Variants in ZFHX3 observed in about 807,000 individuals in gnomAD.
ZFHX3 encodes the protein zinc finger homeobox 3.
In ZFHX3, 42 loss-of-function variants were observed where a neutral mutation model predicts 279.1. The observed-to-expected ratio is 0.15, with a 90% CI of 0.12 to 0.19. The LOEUF is 0.19. ZFHX3 is among the 10% of genes least tolerant of loss of function. The pLI, the probability that ZFHX3 is intolerant of heterozygous loss-of-function variation, is 1.00. For missense variants in ZFHX3, 4,981 were observed against 4,754.0 expected, an observed-to-expected ratio of 1.05 and a Z score of -1.40; for synonymous variants, 2,293 against 1,957.8, an observed-to-expected ratio of 1.17 and a Z score of -4.52.
At chr16:72,928,608 G>C (rs955118657) in intron 3 of ZFHX3, among the ~76,000 whole-genome samples, 2 of 152,144 alleles carry the variant, frequency 1.3e-5, no homozygotes, top group African/African-American at 4.8e-5. Flanking sequence ...GTTCATATAA[G>C]ATTACCCCTG....
intron 5 of ZFHX3, among the ~76,000 whole-genome samples, chr16:73,213,843 A>G (rs997160903): frequency 3.5e-4 from 54 of 152,264 alleles, no homozygotes; most frequent in African/African-American, 1.3e-3. Context: ...CTGGCTGAAC[A>G]TCAGCTGTCC....
chr16:73,372,621 G>A (rs769727267), intron 3 of ZFHX3, among the ~76,000 whole-genome samples: 1 of 152,186 alleles, frequency 6.6e-6, no homozygotes, highest in Non-Finnish European at 1.5e-5. Context: ...CTAGGTAAAA[G>A]GAAAGGGAAA....
At chr16:73,646,319 A>T (rs934747671) in intron 2 of ZFHX3, among the ~76,000 whole-genome samples, 1 of 152,154 alleles carries the variant, frequency 6.6e-6, no homozygotes, top group African/African-American at 2.4e-5. Flanking sequence ...GAGATGAGAC[A>T]ATGAGGGTAC....
At chr16:73,739,662 T>C (rs371190249) in intron 1 of ZFHX3, among the ~76,000 whole-genome samples, 14 of 152,206 alleles carry the variant, frequency 9.2e-5, no homozygotes, top group Admixed American at 5.2e-4. Flanking sequence ...CTATTGACTA[T>C]CAGGGACTCC....
rs1402747016 is a variant in ZFHX3, at chr16:72,793,541, C to G, written c.9141G>C (p.Gln3047His). ...TGGTGTCTTTAACTTTGGAGATATG[C>G]TGTTGGGAAAAGATATGGTCACGTA... ...LSVRDHIFSQ[Q>H]HISKVKDTIG... Residue 3047 changes from glutamine (Q) to histidine (H), a missense_variant, in exon 9 of 10, where the codon CAG (glutamine) becomes CAC (histidine). Around this residue, in one of 7 missense-constraint regions of ZFHX3, gnomAD observed 168 missense variants for 249.1 expected, o/e 0.67. Transcript: ENST00000268489. The surrounding 1 kb of genome is among the most constrained non-coding windows in gnomAD (Gnocchi z 4.3). The G allele has an allele frequency of 6.2e-7, 1 of 1,614,164 alleles. No individual in the cohort carries two copies. Among genetic ancestry groups the G allele is most frequent in the Admixed American group, 1.7e-5 (1 of 60,026 alleles).
chr16:73,606,619 T>A (rs930045802), intron 2 of ZFHX3, among the ~76,000 whole-genome samples: 1 of 152,196 alleles, frequency 6.6e-6, no homozygotes, highest in Non-Finnish European at 1.5e-5. Context: ...ATATGCAGGA[T>A]GTGCAGGTTT....
chr16:73,579,854 T>TTATATATATAAATATATATA (rs2051839596), intron 2 of ZFHX3, among the ~76,000 whole-genome samples: 1 of 140,974 alleles, frequency 7.1e-6, no homozygotes, highest in African/African-American at 2.7e-5. Flanking sequence ...ATTATACAGA[T>TTATATATATAAATATATATA]TATATATATA....
chr16:73,210,379 G>A (rs1448819391), intron 5 of ZFHX3, among the ~76,000 whole-genome samples: 1 of 152,052 alleles, frequency 6.6e-6, no homozygotes, highest in Non-Finnish European at 1.5e-5. Flanking sequence ...CTAACTGGCT[G>A]CAATTCAAAG....
rs760396153 is a variant in ZFHX3 at position 73,362,110 on chromosome 16, A to G, written c.-1290-43774T>C. On this transcript the variant is annotated intron_variant, in intron 3 of 17. Coordinates refer to the ZFHX3 transcript ENST00000641206. ...CAGCCAAGAATGGTTTAGTTTTCCA[A>G]CAAGGGCCACGTGCCTCCTTGCCTT... is the stretch of plus-strand genomic sequence containing the variant. Among the ~76,000 whole-genome samples the G allele has an allele frequency of 1.2e-4, 18 of 150,576 alleles. No individual in the cohort carries two copies. In the South Asian group the frequency reaches 2.5e-3, roughly 21 times the overall value.
chr16:73,562,468 C>T (rs776658064), intron 2 of ZFHX3, among the ~76,000 whole-genome samples: 6 of 151,892 alleles, frequency 4.0e-5, no homozygotes, highest in South Asian at 4.2e-4. Flanking sequence ...TGGTAGCGTG[C>T]GCCTGTAATC....
At chr16:73,820,925 TA>T (rs531620268) in intron 1 of ZFHX3, among the ~76,000 whole-genome samples, 12 of 151,954 alleles carry the variant, frequency 7.9e-5, no homozygotes, top group Admixed American at 2.0e-4. Flanking sequence ...TCACCCTATT[TA>T]CTAGATGCAC....
At chr16:73,785,002 T>C (rs1406709586) in intron 1 of ZFHX3, among the ~76,000 whole-genome samples, 1 of 151,954 alleles carries the variant, frequency 6.6e-6, no homozygotes, top group African/African-American at 2.4e-5. Flanking sequence ...AACTAATCTG[T>C]GTTTACTAAT....
intron 5 of ZFHX3, among the ~76,000 whole-genome samples, chr16:73,171,395 C>T (rs1967519646): frequency 6.7e-6 from 1 of 149,774 alleles, no homozygotes; most frequent in Non-Finnish European, 1.5e-5. Flanking sequence ...GCAGAAGGAG[C>T]TCTGTCTGTG....
At chr16:72,837,582 G>A (rs766893827) in intron 4 of ZFHX3, among the ~76,000 whole-genome samples, 1 of 150,342 alleles carries the variant, frequency 6.7e-6, no homozygotes, top group Non-Finnish European at 1.5e-5. Flanking sequence ...GGGCTCAAGC[G>A]ATCCTCCTGA....
chr16:73,877,174 C>T lies in ZFHX3; in HGVS notation c.-1608+14477G>A, dbSNP rs545489671. Among the ~76,000 whole-genome samples the T allele has an allele frequency of 4.7e-4, 46 of 97,332 alleles. No individual in the cohort carries two copies. In the South Asian group the frequency reaches 0.013, roughly 27 times the overall value. 63.9% of individuals were successfully genotyped at this position (97,332 alleles called of 152,430 possible). ...GTGCATCAAGCATAACAAAAAGAAACGAGATGGTTGGGTTCGGGGGGTTAG... is the reference window on the plus strand; with the variant it reads ...GTGCATCAAGCATAACAAAAAGAAATGAGATGGTTGGGTTCGGGGGGTTAG... On this transcript the variant is annotated intron_variant, in intron 1 of 17. Transcript: ENST00000641206.
chr16:73,881,489 C>G (rs947699778), intron 1 of ZFHX3, among the ~76,000 whole-genome samples: 8 of 84,260 alleles, frequency 9.5e-5, no homozygotes, highest in African/African-American at 2.8e-4. Flanking sequence ...TGCCCCCCCC[C>G]CCCACTCTGC....
At chr16:73,463,666 T>C (rs2018512191) in intron 2 of ZFHX3, among the ~76,000 whole-genome samples, 1 of 152,156 alleles carries the variant, frequency 6.6e-6, no homozygotes, top group Admixed American at 6.5e-5. Context: ...TTTATACTAT[T>C]GGAAAGTGAA....
At chr16:72,829,675 T>G (rs1409071328) in intron 5 of ZFHX3, 104 bp downstream of exon 5, 1 of 1,309,246 alleles carries the variant, frequency 7.6e-7, no homozygotes, top group African/African-American at 1.5e-5. Context: ...TAAGGATGTA[T>G]CCGCTCCCTG....
At chr16:73,699,420 A>C (rs1302121514) in intron 1 of ZFHX3, among the ~76,000 whole-genome samples, 1 of 152,206 alleles carries the variant, frequency 6.6e-6, no homozygotes, top group South Asian at 2.1e-4. Context: ...TGTCTCAGTC[A>C]TGTCCCCAGT....
Sources: allele counts gnomAD v4.1 joint callset (sites outside exome capture counted in the v4.1 genomes callset), GRCh38; gene constraint gnomAD v4.1.1; regional missense constraint gnomAD v4.1.1; non-coding constraint Gnocchi (gnomAD v3.1); transcripts MANE v1.5; gene names NCBI Gene and HGNC (gene_info 2026-07-23, HGNC 2026-07-21).